RAB33B: variants seen among roughly 807,000 people sequenced by gnomAD.
The protein encoded by RAB33B is RAB33B, member RAS oncogene family.
Under a neutral mutation model 15.0 loss-of-function variants are expected in RAB33B, and 6 were observed. The ratio of observed to expected loss-of-function variants is 0.40; its 90% confidence interval spans 0.22 to 0.79. The LOEUF is 0.79. Among genes scored for constraint, RAB33B ranks in the 30% least tolerant of loss-of-function variants. RAB33B has a pLI of 0.37. For synonymous variants in RAB33B, 117 were observed against 108.3 expected (o/e 1.08, Z -0.50); for missense variants, 257 against 296.4 (o/e 0.87, Z 0.98).
At chr4:139,469,005 T>G (rs994958140) in intron 1 of RAB33B, among the ~76,000 whole-genome samples, 3 of 152,204 alleles carry the variant, frequency 2.0e-5, no homozygotes, top group African/African-American at 7.2e-5. Flanking sequence ...TTCTTGACCT[T>G]TGGGAGTTTG....
chr4:139,446,660 T>C, the RAB33B span, among the ~76,000 whole-genome samples: 8,324 of 152,280 alleles, frequency 0.055, 255 homozygotes, highest in East Asian at 0.1. Context: ...ATTTTAATAA[T>C]CAAGTGAATA....
intron 1 of RAB33B, among the ~76,000 whole-genome samples, chr4:139,465,913 A>G (rs1482058066): frequency 1.3e-5 from 2 of 150,930 alleles, no homozygotes; most frequent in Admixed American, 1.3e-4. Context: ...TTTTTTTAAG[A>G]GACGAGGTCT....
chr4:139,445,423 G>T, the RAB33B span, among the ~76,000 whole-genome samples: 6 of 152,172 alleles, frequency 3.9e-5, no homozygotes, highest in Non-Finnish European at 8.8e-5. Flanking sequence ...AAATACACTG[G>T]ACTTACTGGT....
rs960696724 is a variant in RAB33B, at chr4:139,473,360, A to G, written c.*234A>G. 3.2e-5 allele frequency: 16 copies of G among 502,620 alleles called. No individual in the cohort carries two copies. Among genetic ancestry groups the G allele is most frequent in the African/African-American group, 3.1e-4 (16 of 52,384 alleles). The allele number at this position is 502,620 out of a possible 1,614,324, so 31.1% of individuals were successfully genotyped here. A position where few individuals can be genotyped will look rare whatever the true frequency, so the allele number is the denominator to read the frequency against. On this transcript the variant is annotated 3_prime_UTR_variant, in exon 2 of 2. Coordinates refer to ENST00000305626, the MANE Select transcript of RAB33B (RefSeq NM_031296.3). Reference sequence around the variant, plus strand: ...AAGCAAAGATAGGATGAATCTGAACATCTCTCCATCTAGAGCCCAATGAAG... The same window carrying G: ...AAGCAAAGATAGGATGAATCTGAACGTCTCTCCATCTAGAGCCCAATGAAG...
chr4:139,449,982 G>C (rs1207972203), upstream of RAB33B: 1 of 152,136 alleles, frequency 6.6e-6, no homozygotes, highest in Non-Finnish European at 1.5e-5. Flanking sequence ...TAGAATTCTT[G>C]AAGTCCAGGC....
the RAB33B span, among the ~76,000 whole-genome samples, chr4:139,438,407 A>G: frequency 1.3e-5 from 2 of 152,308 alleles, no homozygotes; most frequent in East Asian, 1.9e-4. Flanking sequence ...GATTAAGAAA[A>G]CAACCAGACG....
At chr4:139,467,846 A>G (rs1467274520) in intron 1 of RAB33B, among the ~76,000 whole-genome samples, 1 of 147,826 alleles carries the variant, frequency 6.8e-6, no homozygotes, top group Non-Finnish European at 1.5e-5. Context: ...CAATAGAGCA[A>G]TGTCCTGTCT....
chr4:139,457,644 A>G (rs1015337742), intron 1 of RAB33B, among the ~76,000 whole-genome samples: 1 of 152,220 alleles, frequency 6.6e-6, no homozygotes, highest in African/African-American at 2.4e-5. Context: ...GAAAGAAGAC[A>G]TTTTGATAAG....
At chr4:139,471,032 T>C (rs1750378858) in intron 1 of RAB33B, among the ~76,000 whole-genome samples, 1 of 152,008 alleles carries the variant, frequency 6.6e-6, no homozygotes, top group African/African-American at 2.4e-5. Flanking sequence ...ATGGCAGCAC[T>C]CCCTTGGCTG....
chr4:139,461,951 T>G (rs1349357249), intron 1 of RAB33B, among the ~76,000 whole-genome samples: 4 of 151,900 alleles, frequency 2.6e-5, no homozygotes, highest in African/African-American at 9.7e-5. Context: ...TATATAAAAC[T>G]TCATGAATCT....
intron 1 of RAB33B, among the ~76,000 whole-genome samples, chr4:139,458,531 T>C (rs1477402125): frequency 1.3e-5 from 2 of 152,260 alleles, no homozygotes; most frequent in Non-Finnish European, 2.9e-5. Flanking sequence ...TTTCTGTTCC[T>C]GCATTAGTTT....
At chr4:139,464,154 G>A (rs949512463) in intron 1 of RAB33B, among the ~76,000 whole-genome samples, 3 of 152,068 alleles carry the variant, frequency 2.0e-5, no homozygotes, top group African/African-American at 7.2e-5. Flanking sequence ...GGTGACACGC[G>A]CCTGTGGTCC....
At chr4:139,462,955 G>A (rs986438522) in intron 1 of RAB33B, among the ~76,000 whole-genome samples, 4 of 152,070 alleles carry the variant, frequency 2.6e-5, no homozygotes, top group South Asian at 2.1e-4. Flanking sequence ...CAGTTGAGCC[G>A]AGGAATTCGA....
At chr4:139,448,942 G>C (rs1749875837), upstream of RAB33B, 1 of 152,450 alleles carries the variant, frequency 6.6e-6, no homozygotes, top group South Asian at 2.1e-4. Flanking sequence ...GAGTGTGACT[G>C]TGTGTGTGGG....
chr4:139,438,680 A>G, the RAB33B span, among the ~76,000 whole-genome samples: 10 of 152,116 alleles, frequency 6.6e-5, no homozygotes, highest in Admixed American at 6.6e-5. Context: ...AGTTTTCCCA[A>G]CAAAAGCAAA....
intron 1 of RAB33B, among the ~76,000 whole-genome samples, chr4:139,464,386 G>GTTTTTT (rs372330119): frequency 2.0e-4 from 20 of 101,774 alleles, no homozygotes; most frequent in South Asian, 3.7e-4. Flanking sequence ...GAGGAATACT[G>GTTTTTT]TTTTTTTTTT....
rs757709966 is a variant in RAB33B, at chr4:139,454,437, G to A, written c.242G>A (p.Arg81His). The change falls in exon 1 of 2, where the codon CGC (arginine) becomes CAC (histidine). Residue 81 changes from arginine (R) to histidine (H), a missense_variant. Transcript: ENST00000305626. ...CGAGCGGTGGAGATTGATGGGGAGC[G>A]CATCAAGGTGAGCGGATGGGGAACT... is the stretch of plus-strand genomic sequence containing the variant. ...RERAVEIDGE[R>H]IKIQLWDTAG... The A allele has an allele frequency of 1.9e-6, 3 of 1,608,032 alleles. No homozygotes were observed. Among genetic ancestry groups the A allele is most frequent in the Non-Finnish European group, 2.5e-6 (3 of 1,179,822 alleles).
At chr4:139,469,296 T>C (rs1750348643) in intron 1 of RAB33B, among the ~76,000 whole-genome samples, 1 of 152,244 alleles carries the variant, frequency 6.6e-6, no homozygotes, top group African/African-American at 2.4e-5. Context: ...AGTTAGCCTG[T>C]CTTCAAGCTT....
At chr4:139,447,716 G>A in the RAB33B span, among the ~76,000 whole-genome samples, 2,164 of 143,004 alleles carry the variant, frequency 0.015, 27 homozygotes, top group Non-Finnish European at 0.026. Flanking sequence ...GCCCAGGCTG[G>A]AGTGCAGTGG....
Sources: allele counts gnomAD v4.1 joint callset (sites outside exome capture counted in the v4.1 genomes callset), GRCh38; gene constraint gnomAD v4.1.1; transcripts MANE v1.5; gene names NCBI Gene and HGNC (gene_info 2026-07-23, HGNC 2026-07-21).